Variants in CCDC85A observed in about 807,000 individuals in gnomAD.
CCDC85A encodes coiled-coil domain-containing protein 85A.
In CCDC85A, 38 loss-of-function variants were observed where a neutral mutation model predicts 50.2. The ratio of observed to expected loss-of-function variants is 0.76; its 90% CI spans 0.58 to 0.99. CCDC85A has a LOEUF of 0.99. Ranked by LOEUF, CCDC85A falls within the 50% of genes least tolerant of loss-of-function variation. The pLI is 0.00. For synonymous variants in CCDC85A, 366 were observed against 301.4 expected, an observed-to-expected ratio of 1.21 and a Z score of -2.22; for missense variants, 820 against 742.0, an observed-to-expected ratio of 1.11 and a Z score of -1.22.
intron 3 of CCDC85A, among the ~76,000 whole-genome samples, chr2:56,362,634 T>C (rs11125625): frequency 0.39 from 58,531 of 151,728 alleles, 12,704 homozygotes; most frequent in African/African-American, 0.6. Flanking sequence ...CTCGCTCTGT[T>C]GCCCAGTGAA....
At chr2:56,283,779 C>G (rs372406672) in intron 2 of CCDC85A, among the ~76,000 whole-genome samples, 9 of 152,138 alleles carry the variant, frequency 5.9e-5, no homozygotes, top group African/African-American at 2.2e-4. Context: ...TTATTTTGAT[C>G]TGTATTGATA....
intron 3 of CCDC85A, among the ~76,000 whole-genome samples, chr2:56,350,220 G>A (rs1453222935): frequency 1.3e-5 from 2 of 148,512 alleles, no homozygotes; most frequent in Non-Finnish European, 3.0e-5. Context: ...AGGCTGGAGT[G>A]CAGTGGCACT....
chr2:56,272,810 G>T (rs967473837), intron 2 of CCDC85A, among the ~76,000 whole-genome samples: 5 of 152,176 alleles, frequency 3.3e-5, no homozygotes, highest in Non-Finnish European at 7.3e-5. Flanking sequence ...AAGGCAACTT[G>T]CTCAGCCTAT....
chr2:56,266,440 C>T (rs1670443805), intron 2 of CCDC85A, among the ~76,000 whole-genome samples: 1 of 152,018 alleles, frequency 6.6e-6, no homozygotes, highest in Admixed American at 6.5e-5. Context: ...ACAGTGGATT[C>T]TCAGGACAAA....
At position 56,329,690 on chromosome 2, in the gene CCDC85A, A is replaced by G. The variant is rs188214299; in HGVS notation, c.1241-13189A>G. Among the ~76,000 whole-genome samples, 369 of 152,296 alleles carry G rather than the reference A, an allele frequency of 2.4e-3. 1 individual carries two copies. Among genetic ancestry groups the G allele is most frequent in the Non-Finnish European group, 3.6e-3 (248 of 68,024 alleles). On this transcript the variant is annotated intron_variant, in intron 2 of 5. Transcript: ENST00000407595. ...TGCCATCTGTTGTTTCATAGCCAGT[A>G]CAGAGTATATGCTGGCTAAATTCAA...
chr2:56,305,569 A>C (rs1443383653), intron 2 of CCDC85A, among the ~76,000 whole-genome samples: 1 of 152,246 alleles, frequency 6.6e-6, no homozygotes, highest in Non-Finnish European at 1.5e-5. Context: ...GGCACAGCCC[A>C]TAGATAATAA....
At chr2:56,298,358 T>C (rs929706598) in intron 2 of CCDC85A, among the ~76,000 whole-genome samples, 1 of 152,128 alleles carries the variant, frequency 6.6e-6, no homozygotes, top group Non-Finnish European at 1.5e-5. Context: ...GAATTTCATA[T>C]TGGAAAGGAA....
chr2:56,225,399 CT>C (rs1301004943), intron 2 of CCDC85A, among the ~76,000 whole-genome samples: 1 of 152,082 alleles, frequency 6.6e-6, no homozygotes, highest in African/African-American at 2.4e-5. Context: ...GCATTCCATC[CT>C]GTGCAATAGA....
rs868089848 is a variant in CCDC85A at position 56,264,145 on chromosome 2, C to T, written c.1240+70705C>T. ...CAGACTTGCCTTAGGTGATTTCATCCAGTCTCATGCCATGCATCTAATCTT... is the reference window on the plus strand; with the variant it reads ...CAGACTTGCCTTAGGTGATTTCATCTAGTCTCATGCCATGCATCTAATCTT... On this transcript the variant is annotated intron_variant, in intron 2 of 5. Coordinates refer to ENST00000407595, the MANE Select transcript of CCDC85A (RefSeq NM_001080433.2). Among the ~76,000 whole-genome samples the T allele has an allele frequency of 1.3e-4, 20 of 152,266 alleles. No homozygotes were observed. In the Middle Eastern group the frequency reaches 0.014, roughly 104 times the overall value.
At chr2:56,229,127 G>A (rs1344693410) in intron 2 of CCDC85A, among the ~76,000 whole-genome samples, 1 of 152,054 alleles carries the variant, frequency 6.6e-6, no homozygotes, top group East Asian at 1.9e-4. Flanking sequence ...TGTGACATGG[G>A]TACTTTTACC....
At chr2:56,356,597 G>A (rs1484521790) in intron 3 of CCDC85A, among the ~76,000 whole-genome samples, 1 of 151,614 alleles carries the variant, frequency 6.6e-6, no homozygotes, top group African/African-American at 2.4e-5. Context: ...AGCCAGGCAT[G>A]GTGGCAGACA....
At chr2:56,299,973 A>G (rs969944917) in intron 2 of CCDC85A, among the ~76,000 whole-genome samples, 8 of 152,192 alleles carry the variant, frequency 5.3e-5, no homozygotes, top group Admixed American at 2.0e-4. Context: ...GCCCTGTTCT[A>G]GAAAAAGGAG....
At chr2:56,379,432 C>T (rs533077744) in intron 5 of CCDC85A, among the ~76,000 whole-genome samples, 12 of 152,172 alleles carry the variant, frequency 7.9e-5, no homozygotes, top group African/African-American at 2.6e-4. Flanking sequence ...TGACTATATC[C>T]AAATTGTTGA....
intron 2 of CCDC85A, among the ~76,000 whole-genome samples, chr2:56,255,926 T>A (rs1669966892): frequency 6.6e-6 from 1 of 152,120 alleles, no homozygotes; most frequent in Non-Finnish European, 1.5e-5. Context: ...CATTTCCTTC[T>A]TAGAGGTAAG....
At chr2:56,355,569 A>G (rs545907654) in intron 3 of CCDC85A, among the ~76,000 whole-genome samples, 3 of 152,202 alleles carry the variant, frequency 2.0e-5, no homozygotes, top group African/African-American at 7.2e-5. Flanking sequence ...TTTGTAACTC[A>G]TATAGGTTAG....
intron 2 of CCDC85A, among the ~76,000 whole-genome samples, chr2:56,269,374 A>G (rs1275849649): frequency 7.1e-6 from 1 of 140,146 alleles, no homozygotes; most frequent in Non-Finnish European, 1.6e-5. Context: ...TGAAGGAGGA[A>G]AAGTTGGAGT....
At position 56,184,085 on chromosome 2, in the gene CCDC85A, CGGGCAGCCGCGGCGGCGTCGCTA is replaced by C. The variant is rs1485629207; in HGVS notation, c.-538_-516del. 1 of 985,344 alleles carries C rather than the reference CGGGCAGCCGCGGCGGCGTCGCTA, an allele frequency of 1.0e-6. No homozygotes were observed. Among genetic ancestry groups the C allele is most frequent in the Non-Finnish European group, 1.2e-6 (1 of 830,004 alleles). The allele number at this position is 985,344 out of a possible 1,614,324, so 61.0% of individuals were successfully genotyped here. On this transcript the variant is annotated 5_prime_UTR_variant, in exon 1 of 6. Coordinates refer to ENST00000407595, the MANE Select transcript of CCDC85A (RefSeq NM_001080433.2). The stretch of plus-strand genomic sequence containing the variant: ...GCGGCAGGAGGAGCGCAGCAGCCTT[CGGGCAGCCGCGGCGGCGTCGCTA>C]GAGCAGCCGGGGAGGCGCCGCGGTG...
At chr2:56,214,995 A>G (rs72801184) in intron 2 of CCDC85A, among the ~76,000 whole-genome samples, 25,519 of 151,962 alleles carry the variant, frequency 0.17, 2,475 homozygotes, top group Admixed American at 0.27. Context: ...GAGTCTTCCA[A>G]TCCATGAACA....
At chr2:56,244,035 C>G (rs1669390440) in intron 2 of CCDC85A, among the ~76,000 whole-genome samples, 1 of 152,180 alleles carries the variant, frequency 6.6e-6, no homozygotes, top group African/African-American at 2.4e-5. Flanking sequence ...CAGCACAGTA[C>G]TGGGTCTTGC....
Sources: gnomAD v4.1 joint callset for allele counts (sites outside exome capture counted in the v4.1 genomes callset) on GRCh38, gnomAD v4.1.1 for gene constraint, MANE v1.5 for transcripts, NCBI Gene and HGNC (gene_info 2026-07-23, HGNC 2026-07-21) for gene names.